Variants in TIAM2 observed in about 807,000 individuals in gnomAD.
TIAM2 encodes the protein rho guanine nucleotide exchange factor TIAM2.
TIAM2 carries 80 observed loss-of-function variants against 152.9 expected under a neutral mutation model. The observed-to-expected ratio is 0.52, with a 90% CI of 0.44 to 0.63. The LOEUF is 0.63. Among genes scored for constraint, TIAM2 ranks in the 30% least tolerant of loss-of-function variants. The pLI is 0.00. For synonymous variants in TIAM2, 804 were observed against 838.0 expected (o/e 0.96, Z 0.70); for missense variants, 1,965 against 2,120.1 (o/e 0.93, Z 1.44).
At chr6:155,160,630 A>C (rs768654270) in intron 7 of TIAM2, among the ~76,000 whole-genome samples, 1 of 152,106 alleles carries the variant, frequency 6.6e-6, no homozygotes, top group South Asian at 2.1e-4. Context: ...TTAGCCAAGC[A>C]TGGTGGCATG....
At chr6:155,243,846 C>CAAAAAAAAAAAAAAAAAAAAA (rs59365890) in intron 16 of TIAM2, among the ~76,000 whole-genome samples, 165 bp from the exon 17 acceptor site, 1 of 55,024 alleles carries the variant, frequency 1.8e-5, no homozygotes, top group African/African-American at 8.1e-5. Flanking sequence ...GACTCCGTCT[C>CAAAAAAAAAAAAAAAAAAAAA]AAAAAAAAAA....
intron 1 of TIAM2, among the ~76,000 whole-genome samples, chr6:155,019,012 C>G (rs1034043311): frequency 2.7e-5 from 4 of 149,654 alleles, no homozygotes; most frequent in Non-Finnish European, 5.9e-5. Context: ...TGCACTGCAG[C>G]CTGGGTGACA....
At chr6:155,029,490 G>T (rs1403078375) in intron 1 of TIAM2, among the ~76,000 whole-genome samples, 634 of 31,192 alleles carry the variant, frequency 0.02, 123 homozygotes, top group African/African-American at 0.076. Flanking sequence ...ATATACTATA[G>T]TATATATTAT....
intron 9 of TIAM2, 48 bp from the exon 10 acceptor site, chr6:155,176,768 A>G: frequency 1.9e-6 from 3 of 1,595,488 alleles, no homozygotes; most frequent in Non-Finnish European, 2.6e-6. Flanking sequence ...GGTTTCCTTC[A>G]TTTGTTAATC....
intron 2 of TIAM2, among the ~76,000 whole-genome samples, chr6:155,093,867 G>A (rs1400543675): frequency 1.3e-5 from 2 of 152,166 alleles, no homozygotes; most frequent in African/African-American, 4.8e-5. Context: ...CAGAAACCTA[G>A]GATTTAGCCT....
intron 9 of TIAM2, among the ~76,000 whole-genome samples, chr6:155,172,666 ATATATATATATATATATATATT>A (rs1780630007): frequency 1.1e-4 from 1 of 9,350 alleles, no homozygotes; most frequent in Non-Finnish European, 3.4e-4. Context: ...ATATATATAT[ATATATATATATATATATATATT>A]TTTTTTTTTT....
chr6:155,104,536 T>A (rs1004805396), intron 2 of TIAM2, among the ~76,000 whole-genome samples: 1 of 152,030 alleles, frequency 6.6e-6, no homozygotes, highest in African/African-American at 2.4e-5. Context: ...GGTGGGCAGA[T>A]CATGAGGTCA....
chr6:155,103,786 A>C (rs1160008769), intron 2 of TIAM2, among the ~76,000 whole-genome samples: 4 of 149,704 alleles, frequency 2.7e-5, no homozygotes, highest in Admixed American at 1.3e-4. Context: ...CATGCAATTA[A>C]TTGTTCTTCT....
In TIAM2 at chr6:155,164,580, G is replaced by A. The variant is rs765358420; in HGVS notation, c.2194G>A (p.Val732Ile). The change falls in exon 8 of 27, where the codon GTT (valine) becomes ATT (isoleucine). Residue 732 changes from valine to isoleucine, a missense_variant. Transcript: ENST00000682666. ...CCTCGGCAGGCTGGGCATCTTGTCT[G>A]TTTCCTCTTTCCATGCTCTGGTAAG... The part of the protein sequence containing the change: ...LALGRLGILS[V>I]SSFHALVCSR... The A allele has an allele frequency of 6.2e-7, 1 of 1,613,264 alleles. No individual in the cohort carries two copies. The highest frequency in any genetic ancestry group is 8.5e-7 in the Non-Finnish European group (1 of 1,179,422).
At chr6:155,005,070 G>A (rs1778376386) in intron 1 of TIAM2, 3 of 406,630 alleles carry the variant, frequency 7.4e-6, no homozygotes, top group African/African-American at 4.2e-5. Flanking sequence ...TTGCACCAGA[G>A]TAGAAGGCTT....
intron 1 of TIAM2, among the ~76,000 whole-genome samples, chr6:155,032,252 A>AGG (rs1380644478): frequency 6.6e-6 from 1 of 152,196 alleles, no homozygotes; most frequent in Non-Finnish European, 1.5e-5. Context: ...GTCTGTGCAC[A>AGG]GGAATTAAAG....
chr6:155,163,559 C>A (rs1008271222), intron 7 of TIAM2, among the ~76,000 whole-genome samples: 2 of 152,136 alleles, frequency 1.3e-5, no homozygotes, highest in Non-Finnish European at 2.9e-5. Flanking sequence ...TTTAGATGTA[C>A]AGATGGCAGT....
chr6:155,021,434 A>G (rs1003678078), intron 1 of TIAM2, among the ~76,000 whole-genome samples: 2 of 151,686 alleles, frequency 1.3e-5, no homozygotes, highest in African/African-American at 2.4e-5. Context: ...GCTAGTTTTT[A>G]TATCTTTAGT....
chr6:155,154,009 A>G (rs1780041213), intron 7 of TIAM2, among the ~76,000 whole-genome samples: 1 of 152,182 alleles, frequency 6.6e-6, no homozygotes, highest in African/African-American at 2.4e-5. Context: ...CTTTTATGAG[A>G]TATTTGACAA....
At chr6:155,078,128 G>A (rs770137593) in intron 1 of TIAM2, among the ~76,000 whole-genome samples, 3 of 151,886 alleles carry the variant, frequency 2.0e-5, no homozygotes, top group Admixed American at 6.6e-5. Flanking sequence ...GTGCAGTCAC[G>A]GCTCCTCCTG....
intron 1 of TIAM2, among the ~76,000 whole-genome samples, chr6:155,019,021 C>CA (rs1776407467): frequency 6.7e-6 from 1 of 148,770 alleles, no homozygotes; most frequent in African/African-American, 2.5e-5. Flanking sequence ...GCCTGGGTGA[C>CA]AGAGTGAGAC....
intron 15 of TIAM2, among the ~76,000 whole-genome samples, chr6:155,225,374 G>GC (rs1256898774): frequency 4.6e-5 from 7 of 152,206 alleles, no homozygotes; most frequent in Admixed American, 2.0e-4. Flanking sequence ...TCTCATTTGA[G>GC]CACCGAGGTC....
intron 5 of TIAM2, among the ~76,000 whole-genome samples, chr6:155,139,463 G>A (rs7771405): frequency 0.43 from 65,977 of 152,080 alleles, 15,956 homozygotes; most frequent in East Asian, 0.55. Flanking sequence ...GGTAAAGAAC[G>A]TCCCCAGTTT....
intron 1 of TIAM2, among the ~76,000 whole-genome samples, chr6:155,038,866 A>G (rs1776967905): frequency 6.8e-6 from 1 of 146,064 alleles, no homozygotes; most frequent in African/African-American, 2.5e-5. Context: ...CAGGAGTTTG[A>G]GGCTGCAGTG....
Sources: gnomAD v4.1 joint callset for allele counts (sites outside exome capture counted in the v4.1 genomes callset) on GRCh38, gnomAD v4.1.1 for gene constraint, MANE v1.5 for transcripts, NCBI Gene and HGNC (gene_info 2026-07-23, HGNC 2026-07-21) for gene names.